Variants in AK5 observed in about 807,000 individuals in gnomAD.
The protein encoded by AK5 is adenylate kinase 5, also known as adenylate kinase isoenzyme 5.
Under a neutral mutation model 69.5 loss-of-function variants are expected in AK5, and 27 were observed. The observed-to-expected ratio is 0.39, with a 90% CI of 0.29 to 0.54. The LOEUF is 0.54. Ranked by LOEUF, AK5 falls within the 20% of genes least tolerant of loss-of-function variation. The probability of loss-of-function intolerance (pLI) is 0.71; values close to 1 mark genes in which losing one functional copy is unlikely to be tolerated. For missense variants in AK5, 531 were observed against 700.4 expected (o/e 0.76, Z 2.73); for synonymous variants, 260 against 244.4 (o/e 1.06, Z -0.60).
intron 8 of AK5, among the ~76,000 whole-genome samples, chr1:77,439,996 T>C (rs937488527): frequency 6.6e-6 from 1 of 152,158 alleles, no homozygotes; most frequent in Non-Finnish European, 1.5e-5. Flanking sequence ...TTTATTGTTA[T>C]TGCAGTTTGG....
At chr1:77,518,488 G>T in intron 10 of AK5, 76 bp from the exon 11 acceptor site, 1 of 1,482,848 alleles carries the variant, frequency 6.7e-7, no homozygotes, top group Admixed American at 1.8e-5. Context: ...ACTGAGGCTT[G>T]CTCACCATGG....
At chr1:77,514,964 AC>A (rs1190658360) in intron 10 of AK5, among the ~76,000 whole-genome samples, 1 of 152,050 alleles carries the variant, frequency 6.6e-6, no homozygotes, top group Non-Finnish European at 1.5e-5. Flanking sequence ...AGCCACTTGC[AC>A]CCCTTAGTCA....
chr1:77,383,871 G>A (rs1037585435), intron 6 of AK5, among the ~76,000 whole-genome samples: 2 of 151,930 alleles, frequency 1.3e-5, no homozygotes, highest in Admixed American at 1.3e-4. Flanking sequence ...AATATATGGG[G>A]TTTTTCAATT....
intron 6 of AK5, among the ~76,000 whole-genome samples, chr1:77,348,797 T>A (rs1662045163): frequency 6.6e-6 from 1 of 152,028 alleles, no homozygotes; most frequent in African/African-American, 2.4e-5. Context: ...CTGGTTATTC[T>A]CCAGGAGACA....
chr1:77,488,726 C>A (rs1655764195), intron 10 of AK5, among the ~76,000 whole-genome samples: 1 of 152,098 alleles, frequency 6.6e-6, no homozygotes, highest in African/African-American at 2.4e-5. Flanking sequence ...AGGCCAGTCT[C>A]TCCTTTTCAC....
intron 6 of AK5, among the ~76,000 whole-genome samples, chr1:77,365,659 G>A (rs1646937638): frequency 6.6e-6 from 1 of 152,120 alleles, no homozygotes; most frequent in African/African-American, 2.4e-5. Flanking sequence ...TAGGGTTCAC[G>A]CTTCTATGAG....
intron 13 of AK5, among the ~76,000 whole-genome samples, chr1:77,556,936 G>A (rs192951257): frequency 2.0e-5 from 3 of 151,766 alleles, no homozygotes; most frequent in East Asian, 1.9e-4. Flanking sequence ...GCTTACCACC[G>A]CCCGCCCCCC....
chr1:77,290,169 C>T (rs1031400939), intron 2 of AK5, among the ~76,000 whole-genome samples: 2 of 152,144 alleles, frequency 1.3e-5, no homozygotes, highest in Non-Finnish European at 2.9e-5. Context: ...TTGCATCACA[C>T]GGTCTTGTAT....
In AK5 at chr1:77,294,093, A is replaced by C. The variant is rs979764811; in HGVS notation, c.415+133A>C. On this transcript the variant is annotated intron_variant, in intron 3 of 13. Transcript: ENST00000354567. ...CAATAGAAACAAAAGCTCAAGGGAC[A>C]ATAAATGGAAATATTCTTAGTATAA... 2.3e-5 allele frequency: 16 copies of C among 699,610 alleles called. No homozygotes were observed. In the African/African-American group the frequency reaches 3.0e-4, roughly 13 times the overall value. The allele number at this position is 699,610 out of a possible 1,614,324, so 43.3% of individuals were successfully genotyped here.
At chr1:77,461,483 C>A (rs1201057233) in intron 8 of AK5, among the ~76,000 whole-genome samples, 2 of 151,662 alleles carry the variant, frequency 1.3e-5, no homozygotes, top group African/African-American at 4.8e-5. Context: ...TTCAAGAAAT[C>A]TATTGTGGCC....
rs369284308 is a variant in AK5 at position 77,460,922 on chromosome 1, C to T, written c.1060-22395C>T. Among the ~76,000 whole-genome samples the T allele has an allele frequency of 2.0e-5, 3 of 151,894 alleles. No individual in the cohort carries two copies. In the South Asian group the frequency reaches 6.2e-4, roughly 32 times the overall value. On this transcript the variant is annotated intron_variant, in intron 8 of 13. Transcript: ENST00000354567. ...TATTTTTAGTAGAGACAGGGTTTCA[C>T]TATATTGGCCAGGCTAGTCTTGGGC... is the stretch of plus-strand genomic sequence containing the variant.
Position 77,303,890 on chromosome 1 carries a change from G to GTA in AK5, c.699+5951_699+5952dup, listed in dbSNP as rs151261290. On this transcript the variant is annotated intron_variant, in intron 5 of 13. Coordinates refer to ENST00000354567, the MANE Select transcript of AK5 (RefSeq NM_174858.3). ...TTTAACTTTTGTGGGTACATAGTAG[G>GTA]TATATATATTTAAGGGGCACATGAG... Among the ~76,000 whole-genome samples the GTA allele has an allele frequency of 4.0e-3, 605 of 152,172 alleles. 8 individuals are homozygous for GTA. Among genetic ancestry groups the GTA allele is most frequent in the African/African-American group, 0.014 (578 of 41,530 alleles).
chr1:77,297,287 G>A (rs933140610), intron 3 of AK5, among the ~76,000 whole-genome samples: 5 of 152,128 alleles, frequency 3.3e-5, no homozygotes, highest in African/African-American at 7.2e-5. Context: ...CAACTACACT[G>A]TTCAAAAATT....
rs535083454 is a variant in AK5, at chr1:77,343,832, A to G, written c.891+3264A>G. Reference sequence around the variant, plus strand: ...CTTCCCCAGCAAATGCTCATCTTTTAGAATCTACAGTAACCACTAGCAATT... The same window carrying G: ...CTTCCCCAGCAAATGCTCATCTTTTGGAATCTACAGTAACCACTAGCAATT... On this transcript the variant is annotated intron_variant, in intron 6 of 13. Transcript: ENST00000354567. 2.6e-5 allele frequency among the ~76,000 whole-genome samples: 4 copies of G among 152,334 alleles called. No homozygotes were observed. In the South Asian group the frequency reaches 6.2e-4, roughly 24 times the overall value.
At chr1:77,451,612 C>T (rs1653161261) in intron 8 of AK5, among the ~76,000 whole-genome samples, 1 of 152,192 alleles carries the variant, frequency 6.6e-6, no homozygotes, top group Admixed American at 6.5e-5. Context: ...TCTCAATTTG[C>T]ACATGTAAGT....
At chr1:77,398,620 G>A (rs1179265130) in intron 6 of AK5, among the ~76,000 whole-genome samples, 5 of 152,188 alleles carry the variant, frequency 3.3e-5, no homozygotes, top group Non-Finnish European at 5.9e-5. Flanking sequence ...TCAGAATGCT[G>A]TAGGTGCAGT....
intron 8 of AK5, among the ~76,000 whole-genome samples, chr1:77,470,354 A>T (rs777920914): frequency 2.0e-5 from 3 of 152,012 alleles, no homozygotes; most frequent in Non-Finnish European, 2.9e-5. Flanking sequence ...AAAATACAAA[A>T]ATTAGCCAGG....
At position 77,378,330 on chromosome 1, in the gene AK5, AT is replaced by A. The variant is rs542519471; in HGVS notation, c.892-32641del. ...ACTACAGGAGAAACAGTATAATAGT[AT>A]TTTTTTTTTAGATGGAGTTTCGCTT... On this transcript the variant is annotated intron_variant, in intron 6 of 13. Coordinates refer to ENST00000354567, the MANE Select transcript of AK5 (RefSeq NM_174858.3). 2.0e-4 allele frequency among the ~76,000 whole-genome samples: 30 copies of A among 149,712 alleles called. 1 individual carries two copies. The highest frequency in any genetic ancestry group is 9.3e-4 in the Admixed American group (14 of 14,984).
intron 8 of AK5, among the ~76,000 whole-genome samples, chr1:77,471,276 G>A (rs1409670507): frequency 6.6e-6 from 1 of 152,060 alleles, no homozygotes; most frequent in East Asian, 1.9e-4. Flanking sequence ...CTCTATGATT[G>A]AGGCACATCC....
Sources: allele counts gnomAD v4.1 joint callset (sites outside exome capture counted in the v4.1 genomes callset), GRCh38; gene constraint gnomAD v4.1.1; transcripts MANE v1.5; gene names NCBI Gene and HGNC (gene_info 2026-07-23, HGNC 2026-07-21).